The following CAST variants were observed in gnomAD, a reference collection of about 807,000 sequenced individuals.
CAST encodes calpastatin.
Under a neutral mutation model 119.6 loss-of-function variants are expected in CAST, and 76 were observed. That is an observed-to-expected ratio of 0.64 (90% confidence interval 0.53 to 0.77). The LOEUF is 0.77. Ranked by LOEUF, CAST falls within the 30% of genes least tolerant of loss-of-function variation. The pLI is 0.00. For synonymous variants in CAST, 319 were observed against 331.6 expected (o/e 0.96, Z 0.41); for missense variants, 953 against 946.5 (o/e 1.01, Z -0.09).
chr5:96,457,388 A>G, the CAST span, among the ~76,000 whole-genome samples: 3 of 152,236 alleles, frequency 2.0e-5, no homozygotes, highest in Non-Finnish European at 4.4e-5. Flanking sequence ...CTCTTTAAAA[A>G]GGAGCTAAAT....
At chr5:96,001,064 C>T in the CAST span, among the ~76,000 whole-genome samples, 1 of 152,142 alleles carries the variant, frequency 6.6e-6, no homozygotes, top group Non-Finnish European at 1.5e-5. Context: ...GTTCTTGGCA[C>T]ATCATCTAAA....
At chr5:96,650,949 T>G (rs1222642719) in intron 1 of CAST, among the ~76,000 whole-genome samples, 1 of 152,210 alleles carries the variant, frequency 6.6e-6, no homozygotes, top group East Asian at 1.9e-4. Flanking sequence ...ATCTTGACAC[T>G]GAAGCATTCA....
the CAST span, among the ~76,000 whole-genome samples, chr5:96,304,929 G>T: frequency 6.6e-6 from 1 of 152,118 alleles, no homozygotes; most frequent in Non-Finnish European, 1.5e-5. Context: ...TCTTGGCTAT[G>T]TGGGCTCTTT....
chr5:96,181,125 C>T, the CAST span, among the ~76,000 whole-genome samples: 1 of 152,126 alleles, frequency 6.6e-6, no homozygotes, highest in Non-Finnish European at 1.5e-5. Context: ...ATATTCACAA[C>T]AGGAAACATG....
chr5:96,247,342 T>C, the CAST span, among the ~76,000 whole-genome samples: 3 of 152,360 alleles, frequency 2.0e-5, no homozygotes, highest in African/African-American at 7.2e-5. Flanking sequence ...TGTCATGATG[T>C]GTATTCTGGC....
chr5:96,687,065 C>T (rs1297699378), intron 2 of CAST, among the ~76,000 whole-genome samples: 1 of 152,146 alleles, frequency 6.6e-6, no homozygotes, highest in Admixed American at 6.5e-5. Context: ...TAGCTAGGAG[C>T]AGGGCCAGGG....
the CAST span, among the ~76,000 whole-genome samples, chr5:96,452,640 T>TTAAA: frequency 1.0e-4 from 9 of 90,136 alleles, no homozygotes; most frequent in Admixed American, 4.7e-4. Flanking sequence ...TAAAGTATAA[T>TTAAA]AAAAAAAAAA....
chr5:96,603,550 G>A (rs910581670), intron 1 of CAST, among the ~76,000 whole-genome samples: 11 of 151,964 alleles, frequency 7.2e-5, no homozygotes, highest in Admixed American at 3.3e-4. Flanking sequence ...TAACACCCAC[G>A]GAGTCATCAT....
the CAST span, among the ~76,000 whole-genome samples, chr5:96,488,370 A>G: frequency 6.6e-6 from 1 of 152,208 alleles, no homozygotes; most frequent in Non-Finnish European, 1.5e-5. Context: ...AAACAGCTAA[A>G]AAAAAACCCT....
At chr5:96,153,578 C>T in the CAST span, among the ~76,000 whole-genome samples, 1 of 152,182 alleles carries the variant, frequency 6.6e-6, no homozygotes, top group African/African-American at 2.4e-5. Flanking sequence ...AGTGACTTCA[C>T]CATTCTGAAG....
chr5:96,635,378 A>G (rs1747873800), intron 1 of CAST, among the ~76,000 whole-genome samples: 2 of 152,212 alleles, frequency 1.3e-5, no homozygotes, highest in Admixed American at 6.5e-5. Flanking sequence ...CACACATTGA[A>G]GGAAAGTCTA....
At chr5:96,765,863 G>A (rs1769757725) in intron 26 of CAST, among the ~76,000 whole-genome samples, 190 bp from the exon 27 acceptor site, 1 of 152,014 alleles carries the variant, frequency 6.6e-6, no homozygotes, top group African/African-American at 2.4e-5. Flanking sequence ...GAAGCATACG[G>A]GATTTTATAT....
chr5:96,399,622 T>C, the CAST span, among the ~76,000 whole-genome samples: 1 of 152,206 alleles, frequency 6.6e-6, no homozygotes, highest in Non-Finnish European at 1.5e-5. Flanking sequence ...CTAAGATGCA[T>C]TTTAAAAAAA....
intron 9 of CAST, 107 bp from the exon 10 acceptor site, chr5:96,736,065 G>A: frequency 3.0e-6 from 2 of 676,312 alleles, no homozygotes; most frequent in Non-Finnish European, 5.1e-6. Flanking sequence ...CGGATGTTCA[G>A]TGTATGATCA....
intron 11 of CAST, among the ~76,000 whole-genome samples, 184 bp from the exon 12 acceptor site, chr5:96,739,854 A>C (rs1241850620): frequency 1.3e-5 from 2 of 152,240 alleles, no homozygotes; most frequent in Non-Finnish European, 2.9e-5. Context: ...AAGCCAATTA[A>C]ATATGGGTAT....
chr5:96,013,308 A>G, the CAST span, among the ~76,000 whole-genome samples: 1 of 151,588 alleles, frequency 6.6e-6, no homozygotes, highest in Non-Finnish European at 1.5e-5. Flanking sequence ...TAATATAGAG[A>G]ATATATATAA....
chr5:96,416,790 G>T, the CAST span, among the ~76,000 whole-genome samples: 1 of 152,126 alleles, frequency 6.6e-6, no homozygotes, highest in African/African-American at 2.4e-5. Flanking sequence ...GAACATGATT[G>T]GTTTTGCAGT....
the CAST span, among the ~76,000 whole-genome samples, chr5:96,286,953 G>T: frequency 1.3e-5 from 2 of 152,070 alleles, no homozygotes; most frequent in Admixed American, 1.3e-4. Context: ...CATTTTGTGA[G>T]TCCTAGTTTT....
At chr5:96,425,043 AGAAAG>A in the CAST span, among the ~76,000 whole-genome samples, 7 of 140,876 alleles carry the variant, frequency 5.0e-5, no homozygotes, top group East Asian at 1.3e-3. Flanking sequence ...AAAGAAAGAA[AGAAAG>A]AAAGAAAGAA....
Sources: allele counts gnomAD v4.1 joint callset (sites outside exome capture counted in the v4.1 genomes callset), GRCh38; gene constraint gnomAD v4.1.1; transcripts MANE v1.5; gene names NCBI Gene and HGNC (gene_info 2026-07-23, HGNC 2026-07-21).